The following SPECC1 variants were observed in gnomAD, a reference collection of about 807,000 sequenced individuals.
SPECC1 encodes the protein sperm antigen with calponin homology and coiled-coil domains 1.
Under a neutral mutation model 104.1 loss-of-function variants are expected in SPECC1, and 62 were observed. The ratio of observed to expected loss-of-function variants is 0.60; its 90% CI spans 0.49 to 0.74. The LOEUF (loss-of-function observed/expected upper bound fraction) is 0.74, where lower values mean the gene tolerates loss of function less well. Among genes scored for constraint, SPECC1 ranks in the 30% least tolerant of loss-of-function variants. The pLI, the probability that SPECC1 is intolerant of heterozygous loss-of-function variation, is 0.00. For synonymous variants in SPECC1, 513 were observed against 501.6 expected (o/e 1.02, Z -0.30); for missense variants, 1,306 against 1,310.5 (o/e 1.00, Z 0.05).
At chr17:20,062,302 C>T (rs968173673) in intron 1 of SPECC1, among the ~76,000 whole-genome samples, 3 of 151,214 alleles carry the variant, frequency 2.0e-5, no homozygotes, top group Non-Finnish European at 4.4e-5. Context: ...CATACCGTAA[C>T]AGTCGTAGCA....
Position 20,194,502 on chromosome 17 carries a change from A to ATTATTTTTTTTTTTTTTTTTTTTTTT in SPECC1, c.284-9829_284-9828insATTTTTTTTTTTTTTTTTTTTTTTTT. ...TGTGTTCTGTTAGAAAAGAGAACGA[A>ATTATTTTTTTTTTTTTTTTTTTTTTT]TTTTTTTTTTTTTTTTTTTTTTTGA... On this transcript the variant is annotated intron_variant, in intron 3 of 14. Coordinates refer to ENST00000395527, the MANE Select transcript of SPECC1 (RefSeq NM_001243439.2). Among the ~76,000 whole-genome samples, 111 of 86,526 alleles carry ATTATTTTTTTTTTTTTTTTTTTTTTT rather than the reference A, an allele frequency of 1.3e-3. 22 individuals are homozygous for ATTATTTTTTTTTTTTTTTTTTTTTTT. Among genetic ancestry groups the ATTATTTTTTTTTTTTTTTTTTTTTTT allele is most frequent in the East Asian group, 3.1e-3 (8 of 2,566 alleles). 56.8% of individuals were successfully genotyped at this position (86,526 alleles called of 152,430 possible).
rs1022914739 is a variant in SPECC1 at position 20,021,779 on chromosome 17, G to A, written c.-22+12355G>A. Among the ~76,000 whole-genome samples, 8 of 146,788 alleles carry A rather than the reference G, an allele frequency of 5.5e-5. No individual in the cohort carries two copies. The East Asian group carries it at 9.9e-4, about 18-fold the overall frequency. On this transcript the variant is annotated intron_variant, in intron 1 of 14. Coordinates refer to ENST00000395527, the MANE Select transcript of SPECC1 (RefSeq NM_001243439.2). ...TCTTGATCTCTTGACCTCATGATCC[G>A]CCCGCCTTGGCCTCCCAAAGTGGTG... is the stretch of plus-strand genomic sequence containing the variant.
intron 6 of SPECC1, 34 bp downstream of exon 6, chr17:20,231,865 T>C: frequency 1.3e-6 from 2 of 1,598,368 alleles, no homozygotes; most frequent in Non-Finnish European, 1.7e-6. Context: ...ACCACCATCT[T>C]CCTATGAATT....
intron 4 of SPECC1, among the ~76,000 whole-genome samples, chr17:20,219,534 C>T (rs1441479149): frequency 6.6e-6 from 1 of 152,098 alleles, no homozygotes; most frequent in South Asian, 2.1e-4. Flanking sequence ...AGATTTTTTT[C>T]CCCCATTGAA....
intron 3 of SPECC1, among the ~76,000 whole-genome samples, chr17:20,157,829 G>A (rs1007335393): frequency 6.6e-6 from 1 of 152,134 alleles, no homozygotes; most frequent in African/African-American, 2.4e-5. Flanking sequence ...TGAAGATACC[G>A]GATTTAGGGC....
At chr17:20,156,171 C>T in intron 3 of SPECC1, 2 of 1,441,388 alleles carry the variant, frequency 1.4e-6, no homozygotes, top group Admixed American at 2.9e-5. Flanking sequence ...GGCCGGCAAG[C>T]CGGCTGGTGC....
At chr17:20,286,094 A>G (rs1052356349) in intron 12 of SPECC1, among the ~76,000 whole-genome samples, 1 of 152,144 alleles carries the variant, frequency 6.6e-6, no homozygotes, top group African/African-American at 2.4e-5. Flanking sequence ...TTTGTGAGCC[A>G]TCGCACATGA....
chr17:20,258,892 C>G (rs1439414520), intron 11 of SPECC1, among the ~76,000 whole-genome samples: 1 of 152,192 alleles, frequency 6.6e-6, no homozygotes, highest in African/African-American at 2.4e-5. Context: ...CACTGTTGCA[C>G]AGTACATGCC....
rs552611105 is a variant in SPECC1, at chr17:20,031,554, G to C, written c.-22+22130G>C. Among the ~76,000 whole-genome samples the C allele has an allele frequency of 3.3e-5, 5 of 152,224 alleles. No homozygotes were observed. In the South Asian group the frequency reaches 1.0e-3, roughly 32 times the overall value. ...TCATTTTTAAGTATACTGTTCAGTAGTATAAAGTATATTTGTATTGTTGTA... is the reference window on the plus strand; with the variant it reads ...TCATTTTTAAGTATACTGTTCAGTACTATAAAGTATATTTGTATTGTTGTA... On this transcript the variant is annotated intron_variant, in intron 1 of 14. Coordinates refer to ENST00000395527, the MANE Select transcript of SPECC1 (RefSeq NM_001243439.2).
At chr17:20,152,459 A>G (rs2152567921) in intron 3 of SPECC1, among the ~76,000 whole-genome samples, 1 of 133,950 alleles carries the variant, frequency 7.5e-6, no homozygotes, top group Non-Finnish European at 1.8e-5. Flanking sequence ...TTCAGCTGCC[A>G]TAACCAATTG....
chr17:20,146,037 C>T (rs939164560), intron 3 of SPECC1, among the ~76,000 whole-genome samples: 3 of 152,174 alleles, frequency 2.0e-5, no homozygotes, highest in Non-Finnish European at 4.4e-5. Flanking sequence ...TAGGATGGTA[C>T]ATTTCTTGGA....
chr17:20,313,845 C>A, intron 14 of SPECC1, 131 bp from the exon 15 acceptor site: 1 of 765,598 alleles, frequency 1.3e-6, no homozygotes, highest in South Asian at 1.7e-5. Context: ...CCTGTGCTGG[C>A]CTTCACGTTC....
chr17:20,032,800 A>G (rs952848828), intron 1 of SPECC1, among the ~76,000 whole-genome samples: 8 of 151,752 alleles, frequency 5.3e-5, no homozygotes, highest in African/African-American at 1.9e-4. Context: ...TCCCTTGTCT[A>G]CTTCCCCCGT....
chr17:20,123,244 G>A (rs934221695), intron 3 of SPECC1, among the ~76,000 whole-genome samples: 1 of 152,188 alleles, frequency 6.6e-6, no homozygotes, highest in African/African-American at 2.4e-5. Context: ...TATAGCACAC[G>A]TGGGATCCAA....
chr17:20,263,047 T>A (rs1222232076), intron 12 of SPECC1, among the ~76,000 whole-genome samples: 1 of 151,502 alleles, frequency 6.6e-6, no homozygotes, highest in Non-Finnish European at 1.5e-5. Context: ...GCTCCCAAAG[T>A]ATAAACTCGC....
At chr17:20,131,806 C>T (rs547465532) in intron 3 of SPECC1, among the ~76,000 whole-genome samples, 7 of 151,860 alleles carry the variant, frequency 4.6e-5, no homozygotes, top group East Asian at 1.9e-4. Context: ...CGCACCACCA[C>T]GCCTGGCTAA....
intron 1 of SPECC1, among the ~76,000 whole-genome samples, chr17:20,077,968 C>G (rs2046826067): frequency 6.6e-6 from 1 of 151,426 alleles, no homozygotes; most frequent in African/African-American, 2.4e-5. Context: ...GAAACAAAAG[C>G]TAAATTAAAA....
At chr17:20,017,794 C>A (rs1037241782) in intron 1 of SPECC1, among the ~76,000 whole-genome samples, 5 of 152,168 alleles carry the variant, frequency 3.3e-5, no homozygotes, top group African/African-American at 1.2e-4. Flanking sequence ...CAACTGCTTG[C>A]TCTTTATAAT....
intron 7 of SPECC1, among the ~76,000 whole-genome samples, chr17:20,233,694 T>A (rs2151486557): frequency 6.6e-6 from 1 of 152,298 alleles, no homozygotes; most frequent in South Asian, 2.1e-4. Context: ...GAGCTCTCCC[T>A]CTGGACACCA....
Sources: allele counts gnomAD v4.1 joint callset (sites outside exome capture counted in the v4.1 genomes callset), GRCh38; gene constraint gnomAD v4.1.1; transcripts MANE v1.5; gene names NCBI Gene and HGNC (gene_info 2026-07-23, HGNC 2026-07-21).